Variants in ESPNL observed in about 807,000 individuals in gnomAD.
ESPNL encodes espin-like protein.
ESPNL carries 49 observed loss-of-function variants against 46.8 expected under a neutral mutation model. The ratio of observed to expected loss-of-function variants is 1.05; its 90% CI spans 0.83 to 1.33. The LOEUF is 1.33. Ranked by LOEUF, ESPNL falls within the 40% of genes most tolerant of loss-of-function variation. The probability of loss-of-function intolerance (pLI) is 0.00; values close to 1 mark genes in which losing one functional copy is unlikely to be tolerated. For synonymous variants in ESPNL, 664 were observed against 662.1 expected (o/e 1.00, Z -0.04); for missense variants, 1,540 against 1,436.6 (o/e 1.07, Z -1.16).
chr2:238,131,185 G>T lies in ESPNL; in HGVS notation c.2471G>T (p.Arg824Leu). Residue 824 changes from arginine (R) to leucine (L), a missense_variant, in exon 9 of 9, where the codon CGG becomes CTG. Transcript: ENST00000343063. Reference sequence around the variant, plus strand: ...GCTCACGTGCCCGCCCGGCAGCTGCGGCGGCTGAGCCGGCAGCCCCGCGGG... The same window carrying T: ...GCTCACGTGCCCGCCCGGCAGCTGCTGCGGCTGAGCCGGCAGCCCCGCGGG... ...IMAHVPARQL[R>L]RLSRQPRGAL... The T allele has an allele frequency of 6.5e-7, 1 of 1,544,448 alleles. No individual in the cohort carries two copies. Among genetic ancestry groups the T allele is most frequent in the South Asian group, 1.2e-5 (1 of 84,020 alleles).
chr2:238,131,810 C>A lies in ESPNL; in HGVS notation c.*78C>A. On this transcript the variant is annotated 3_prime_UTR_variant, in exon 9 of 9. Transcript: ENST00000343063. Reference sequence around the variant, plus strand: ...CTCTTTTCTTTTCCTTGCTCACACCCTTGGTGTTCAGGTGAGCCGGGCAAG... The same window carrying A: ...CTCTTTTCTTTTCCTTGCTCACACCATTGGTGTTCAGGTGAGCCGGGCAAG... 6.8e-7 allele frequency: 1 copy of A among 1,481,146 alleles called. No homozygotes were observed. The highest frequency in any genetic ancestry group is 9.1e-7 in the Non-Finnish European group (1 of 1,096,824). 91.8% of individuals were successfully genotyped at this position (1,481,146 alleles called of 1,614,324 possible).
At chr2:238,113,956 G>A (rs777473995) in intron 4 of ESPNL, among the ~76,000 whole-genome samples, 3 of 152,152 alleles carry the variant, frequency 2.0e-5, no homozygotes, top group African/African-American at 4.8e-5. Flanking sequence ...TTTCTCCTGA[G>A]TGTGGCCGTG....
chr2:238,125,204 C>G, intron 5 of ESPNL, 66 bp from the exon 6 acceptor site: 1 of 696,868 alleles, frequency 1.4e-6, no homozygotes, highest in Non-Finnish European at 2.3e-6. Flanking sequence ...GTGCCCCTGC[C>G]CCTGTCTAGG....
Position 238,125,202 on chromosome 2 carries a change from G to A in ESPNL, c.988-68G>A, listed in dbSNP as rs1005488408. 4.4e-6 allele frequency: 3 copies of A among 681,580 alleles called. No homozygotes were observed. The African/African-American group carries it at 5.7e-5, about 13-fold the overall frequency. 42.2% of individuals were successfully genotyped at this position (681,580 alleles called of 1,614,324 possible). On this transcript the variant is annotated intron_variant, in intron 5 of 8. Coordinates refer to ENST00000343063, the MANE Select transcript of ESPNL (RefSeq NM_194312.4). ...CAAGGCTCGTCCACTGGGTGCCCCT[G>A]CCCCTGTCTAGGTGAGCAGGGAAGA...
At chr2:238,127,872 C>A (rs1692176592) in intron 7 of ESPNL, 138 bp downstream of exon 7, 1 of 646,428 alleles carries the variant, frequency 1.5e-6, no homozygotes, top group Admixed American at 3.0e-5. Flanking sequence ...CTGCGTCACT[C>A]CGCTGCTCTC....
In ESPNL at chr2:238,130,979, G is replaced by A. The variant is rs774632149; in HGVS notation, c.2265G>A (p.Thr755=). Residue 755 remains threonine (T), a synonymous_variant, in exon 9 of 9, where the codon ACG becomes ACA. Coordinates refer to ENST00000343063, the MANE Select transcript of ESPNL (RefSeq NM_194312.4). Reference sequence around the variant, plus strand: ...GCCACTGGAGGAGATCGGCCTACACGCCGGCCCTCAAGACAGTGGCCTGCA... The same window carrying A: ...GCCACTGGAGGAGATCGGCCTACACACCGGCCCTCAAGACAGTGGCCTGCA... ...FLSHWRRSAY[T]PALKTVACRT... The A allele has an allele frequency of 1.8e-5, 28 of 1,548,162 alleles. No individual in the cohort carries two copies. Among genetic ancestry groups the A allele is most frequent in the African/African-American group, 1.8e-4 (13 of 73,262 alleles).
rs762994057 is a variant in ESPNL at position 238,131,250 on chromosome 2, G to T, written c.2536G>T (p.Ala846Ser). 33 of 1,568,804 alleles carry T rather than the reference G, an allele frequency of 2.1e-5. 1 individual carries two copies. In the South Asian group the frequency reaches 3.5e-4, roughly 17 times the overall value. ...PEQFLPHVDG[A>S]PVPYSSLSLD... ...GCAGTTCCTGCCCCACGTGGACGGG[G>T]CTCCGGTGCCCTACAGCAGCCTCTC... Residue 846 changes from alanine (A) to serine (S), a missense_variant, in exon 9 of 9, where the codon GCT (alanine) becomes TCT (serine). Ala to Ser is a moderately conservative substitution (Grantham distance 99). Coordinates refer to ENST00000343063, the MANE Select transcript of ESPNL (RefSeq NM_194312.4).
rs747212270 is a variant in ESPNL, at chr2:238,131,462, C to T, written c.2748C>T (p.Thr916=). Residue 916 remains threonine (T), a synonymous_variant, in exon 9 of 9, where the codon ACC becomes ACT. Coordinates refer to ENST00000343063, the MANE Select transcript of ESPNL (RefSeq NM_194312.4). ...DEVAAGRRAW[T]DGFEDIKARF... The stretch of plus-strand genomic sequence containing the variant: ...TGGCCGCCGGCCGCCGGGCCTGGAC[C>T]GACGGCTTCGAGGACATCAAAGCCC... 1.3e-5 allele frequency: 21 copies of T among 1,611,178 alleles called. No homozygotes were observed. The highest frequency in any genetic ancestry group is 2.2e-5 in the East Asian group (1 of 44,838).
Position 238,100,619 on chromosome 2 carries a change from C to A in ESPNL, c.200C>A (p.Ala67Asp). Residue 67 changes from alanine (A) to aspartate (D), a missense_variant, in exon 1 of 9, where the codon GCC becomes GAC. By Grantham distance (126) the Ala-to-Asp change is moderately radical. Transcript: ENST00000343063. ...GCCCAGCTGCCCGGCAACCAGCGGG[C>A]CCACAACGGGGCCACCCCAGCGCAT... ...QRAQLPGNQR[A>D]HNGATPAHDA... 1 of 1,495,222 alleles carries A rather than the reference C, an allele frequency of 6.7e-7. No individual in the cohort carries two copies. 92.6% of individuals were successfully genotyped at this position (1,495,222 alleles called of 1,614,324 possible).
Position 238,130,852 on chromosome 2 carries a change from A to C in ESPNL, c.2138A>C (p.Asp713Ala). The change falls in exon 9 of 9, where the codon GAC becomes GCC. Residue 713 changes from aspartate to alanine, a missense_variant. Coordinates refer to ENST00000343063, the MANE Select transcript of ESPNL (RefSeq NM_194312.4). ...CCTGGCGACACAGAGGAGGCCAGCG[A>C]CTCTGGCATCAGCTGCGAGGAGGTG... ...PRPGDTEEAS[D>A]SGISCEEVPS... The C allele has an allele frequency of 5.2e-6, 8 of 1,552,754 alleles. No individual in the cohort carries two copies. The highest frequency in any genetic ancestry group is 7.0e-6 in the Non-Finnish European group (8 of 1,150,190).
At chr2:238,105,019 C>T (rs1336721471) in intron 3 of ESPNL, among the ~76,000 whole-genome samples, 177 bp downstream of exon 3, 2 of 152,054 alleles carry the variant, frequency 1.3e-5, no homozygotes, top group Non-Finnish European at 2.9e-5. Context: ...AGGCTGGGCC[C>T]CAGAAGTTTT....
intron 4 of ESPNL, among the ~76,000 whole-genome samples, chr2:238,108,584 G>T (rs1039342613): frequency 1.3e-5 from 2 of 152,254 alleles, no homozygotes; most frequent in South Asian, 2.1e-4. Context: ...GCCCCATCCG[G>T]TCCTGAGCAG....
chr2:238,106,429 C>A (rs1038614050), intron 3 of ESPNL, among the ~76,000 whole-genome samples: 2 of 152,224 alleles, frequency 1.3e-5, no homozygotes, highest in Non-Finnish European at 2.9e-5. Flanking sequence ...TCCCCAAGGC[C>A]GCCTGAATTG....
At chr2:238,129,292 G>C in intron 8 of ESPNL, 1 of 1,088,588 alleles carries the variant, frequency 9.2e-7, no homozygotes, top group African/African-American at 1.7e-5. Context: ...GCAGTTGGGG[G>C]ACTATGATAT....
rs758273844 is a variant in ESPNL, at chr2:238,107,848, C to T, written c.730C>T (p.His244Tyr). The change falls in exon 4 of 9, where the codon CAC (histidine) becomes TAC (tyrosine). Residue 244 changes from histidine (H) to tyrosine (Y), a missense_variant. His to Tyr is a moderately conservative substitution (Grantham distance 83, BLOSUM62 2). Transcript: ENST00000343063. ...ARDNEGATAL[H>Y]FAARGGHTPI... ...GGACAATGAGGGGGCCACGGCCCTG[C>T]ACTTTGCAGCCCGAGGCGGCCACAC... is the stretch of plus-strand genomic sequence containing the variant. 1 of 1,609,374 alleles carries T rather than the reference C, an allele frequency of 6.2e-7. No homozygotes were observed. Among genetic ancestry groups the T allele is most frequent in the South Asian group, 1.1e-5 (1 of 90,294 alleles).
In ESPNL at chr2:238,125,293, A is replaced by C. The variant is rs1191910621; in HGVS notation, c.1011A>C (p.Pro337=). 19 of 1,540,898 alleles carry C rather than the reference A, an allele frequency of 1.2e-5. No individual in the cohort carries two copies. Among genetic ancestry groups the C allele is most frequent in the Admixed American group, 2.0e-5 (1 of 49,842 alleles). Residue 337 remains proline, a synonymous_variant, in exon 6 of 9, where the codon CCA becomes CCC. Transcript: ENST00000343063. The part of the protein sequence containing the change: ...AQPVPLLMTP[P]PPPFPPPPLL... Reference sequence around the variant, plus strand: ...AGGTGCCCCTGCTGATGACGCCCCCACCACCACCGTTCCCCCCACCTCCAC... The same window carrying C: ...AGGTGCCCCTGCTGATGACGCCCCCCCCACCACCGTTCCCCCCACCTCCAC...
chr2:238,105,749 G>A (rs1463850663), intron 3 of ESPNL, among the ~76,000 whole-genome samples: 8 of 152,144 alleles, frequency 5.3e-5, no homozygotes, highest in Non-Finnish European at 1.0e-4. Flanking sequence ...GTCCTGGGGA[G>A]CCACGGAAGG....
intron 6 of ESPNL, among the ~76,000 whole-genome samples, 161 bp downstream of exon 6, chr2:238,125,545 T>G (rs1046346378): frequency 4.6e-5 from 7 of 152,260 alleles, no homozygotes; most frequent in Admixed American, 1.3e-4. Flanking sequence ...TGACTGTCTT[T>G]GGTGCTTTGG....
At position 238,124,646 on chromosome 2, in the gene ESPNL, CG is replaced by C. The variant is rs563549336; in HGVS notation, c.988-623del. On this transcript the variant is annotated intron_variant, in intron 5 of 8. Transcript: ENST00000343063. ...ATGCGTGTGTGTGCAGGAGAGTGTA[CG>C]TGCATGTGTGCAGGAGAGTGTACAT... is the stretch of plus-strand genomic sequence containing the variant. Among the ~76,000 whole-genome samples, 402 of 140,446 alleles carry C rather than the reference CG, an allele frequency of 2.9e-3. 2 individuals carry two copies. The highest frequency in any genetic ancestry group is 0.01 in the African/African-American group (377 of 36,426). 92.1% of individuals were successfully genotyped at this position (140,446 alleles called of 152,430 possible).
Sources: gnomAD v4.1 joint callset for allele counts (sites outside exome capture counted in the v4.1 genomes callset) on GRCh38, gnomAD v4.1.1 for gene constraint, MANE v1.5 for transcripts, NCBI Gene and HGNC (gene_info 2026-07-23, HGNC 2026-07-21) for gene names.